CCDC6: variants seen among roughly 807,000 people sequenced by gnomAD.
CCDC6 encodes coiled-coil domain containing 6.
In CCDC6, 20 loss-of-function variants were observed where a neutral mutation model predicts 56.6. The ratio of observed to expected loss-of-function variants is 0.35; its 90% CI spans 0.25 to 0.51. The LOEUF is 0.51. CCDC6 is among the 20% of genes least tolerant of loss of function. The pLI is 0.95. For synonymous variants in CCDC6, 241 were observed against 234.4 expected, an observed-to-expected ratio of 1.03 and a Z score of -0.26; for missense variants, 367 against 601.1, an observed-to-expected ratio of 0.61 and a Z score of 4.07.
intron 2 of CCDC6, among the ~76,000 whole-genome samples, chr10:59,835,916 G>A (rs1322574899): frequency 6.6e-6 from 1 of 151,890 alleles, no homozygotes; most frequent in African/African-American, 2.4e-5. Context: ...AGCTGGACAC[G>A]GTGGTGCGCG....
chr10:59,880,040 T>A (rs1664263), intron 1 of CCDC6, among the ~76,000 whole-genome samples: 2 of 152,014 alleles, frequency 1.3e-5, no homozygotes, highest in Non-Finnish European at 2.9e-5. Context: ...AGAAGCATGC[T>A]ACATCTATAA....
intron 7 of CCDC6, among the ~76,000 whole-genome samples, chr10:59,795,012 A>G (rs1340369188): frequency 6.6e-6 from 1 of 152,144 alleles, no homozygotes; most frequent in Non-Finnish European, 1.5e-5. Flanking sequence ...TAAAACTCTT[A>G]GAAGGAAAAT....
At chr10:59,867,452 C>T (rs1306699604) in intron 1 of CCDC6, among the ~76,000 whole-genome samples, 2 of 152,198 alleles carry the variant, frequency 1.3e-5, no homozygotes, top group African/African-American at 4.8e-5. Flanking sequence ...CTGAAGCCTG[C>T]TACTTTGGAG....
At chr10:59,868,118 C>T (rs2071192904) in intron 1 of CCDC6, among the ~76,000 whole-genome samples, 1 of 152,058 alleles carries the variant, frequency 6.6e-6, no homozygotes, top group East Asian at 1.9e-4. Flanking sequence ...ACAGGCGTGT[C>T]CTTAACCTTG....
chr10:59,832,671 C>T lies in CCDC6; in HGVS notation c.454-18G>A, dbSNP rs775419995. ...TGCTGCAACTGGAAAATGAAAAACA[C>T]CGAGATGTGGAAATCAGGCAACTCA... On this transcript the variant is annotated intron_variant, in intron 2 of 8. Coordinates refer to ENST00000263102, the MANE Select transcript of CCDC6 (RefSeq NM_005436.5). 1.2e-6 allele frequency: 2 copies of T among 1,609,312 alleles called. No homozygotes were observed. Among genetic ancestry groups the T allele is most frequent in the Non-Finnish European group, 1.7e-6 (2 of 1,178,674 alleles).
chr10:59,866,848 T>G (rs1343479545), intron 1 of CCDC6, among the ~76,000 whole-genome samples: 1 of 152,234 alleles, frequency 6.6e-6, no homozygotes, highest in African/African-American at 2.4e-5. Flanking sequence ...CAACATTATT[T>G]ACGCTGCTGT....
intron 1 of CCDC6, among the ~76,000 whole-genome samples, chr10:59,885,842 T>TTCTAA (rs2071378607): frequency 6.6e-6 from 1 of 151,450 alleles, no homozygotes; most frequent in Non-Finnish European, 1.5e-5. Context: ...AAGAAACACA[T>TTCTAA]CTTTTGAAGG....
chr10:59,842,858 A>G (rs2132650535), intron 2 of CCDC6, among the ~76,000 whole-genome samples: 1 of 148,998 alleles, frequency 6.7e-6, no homozygotes, highest in East Asian at 2.0e-4. Flanking sequence ...GGTTCACGCT[A>G]TTCTCCTGCC....
At chr10:59,843,177 C>T (rs778685741) in intron 2 of CCDC6, among the ~76,000 whole-genome samples, 26 of 152,206 alleles carry the variant, frequency 1.7e-4, no homozygotes, top group African/African-American at 4.8e-4. Flanking sequence ...TGAGCCAACG[C>T]GCCCGGCCAG....
chr10:59,865,576 G>A (rs1460458590), intron 1 of CCDC6, among the ~76,000 whole-genome samples: 1 of 152,148 alleles, frequency 6.6e-6, no homozygotes, highest in Non-Finnish European at 1.5e-5. Context: ...GATTCTAGCT[G>A]GGCACGGTGG....
At position 59,812,648 on chromosome 10, in the gene CCDC6, A is replaced by G. The variant is rs1401299183; in HGVS notation, c.834T>C (p.Ala278=). 1.2e-6 allele frequency: 2 copies of G among 1,611,164 alleles called. No homozygotes were observed. The highest frequency in any genetic ancestry group is 1.7e-6 in the Non-Finnish European group (2 of 1,177,704). ...EVERLKKQLR[A]AQLQHSEKMA... ...GAGGCTACGTACGCTGTAACTGAGC[A>G]GCTCTCAGTTGCTTCTTCAGCCGTT... Residue 278 remains alanine (A), a synonymous_variant, in exon 5 of 9, where the codon GCT becomes GCC. Transcript: ENST00000263102.
intron 3 of CCDC6, among the ~76,000 whole-genome samples, chr10:59,828,408 G>A (rs778079472): frequency 2.0e-5 from 3 of 152,058 alleles, no homozygotes; most frequent in Non-Finnish European, 2.9e-5. Context: ...TTGACTTTTG[G>A]CATCAAGCAT....
intron 3 of CCDC6, among the ~76,000 whole-genome samples, chr10:59,825,657 C>T (rs1181842935): frequency 6.6e-6 from 1 of 152,166 alleles, no homozygotes; most frequent in Middle Eastern, 3.2e-3. Flanking sequence ...GCTACTAAAA[C>T]AAGTGGCATC....
chr10:59,823,808 A>G (rs2070765709), intron 3 of CCDC6, among the ~76,000 whole-genome samples: 1 of 152,208 alleles, frequency 6.6e-6, no homozygotes, highest in Admixed American at 6.5e-5. Context: ...AGAACACCTA[A>G]GTCATCAAGC....
intron 6 of CCDC6, chr10:59,805,534 TAG>T (rs1392839406): frequency 2.0e-5 from 3 of 152,202 alleles, no homozygotes; most frequent in Admixed American, 2.0e-4. Flanking sequence ...CATATTTCCT[TAG>T]AGTGTATCTT....
chr10:59,809,099 G>A (rs1203359533), intron 5 of CCDC6, among the ~76,000 whole-genome samples: 1 of 152,168 alleles, frequency 6.6e-6, no homozygotes, highest in African/African-American at 2.4e-5. Context: ...ATGCAAGCAT[G>A]CAGAATTTTT....
At chr10:59,811,741 C>G (rs1226605236) in intron 5 of CCDC6, among the ~76,000 whole-genome samples, 1 of 152,002 alleles carries the variant, frequency 6.6e-6, no homozygotes, top group Non-Finnish European at 1.5e-5. Flanking sequence ...TCCACATGTA[C>G]AGGTTTGACA....
At chr10:59,865,965 T>C (rs1486891231) in intron 1 of CCDC6, among the ~76,000 whole-genome samples, 1 of 151,982 alleles carries the variant, frequency 6.6e-6, no homozygotes, top group African/African-American at 2.4e-5. Flanking sequence ...TCCTATGACT[T>C]CTGACATGGG....
chr10:59,792,695 T>G lies in CCDC6; in HGVS notation c.*222A>C, dbSNP rs1432442905. On this transcript the variant is annotated 3_prime_UTR_variant, in exon 9 of 9. Transcript: ENST00000263102. ...GCCAGGGAATGGACGTACATGAAGATTCAAGTAAAACACTGATGGAAAAAG... is the reference window on the plus strand; with the variant it reads ...GCCAGGGAATGGACGTACATGAAGAGTCAAGTAAAACACTGATGGAAAAAG... 3 of 758,888 alleles carry G rather than the reference T, an allele frequency of 4.0e-6. No individual in the cohort carries two copies. The highest frequency in any genetic ancestry group is 1.7e-5 in the African/African-American group (1 of 59,034). The allele number at this position is 758,888 out of a possible 1,614,324, so 47.0% of individuals were successfully genotyped here.
Sources: gnomAD v4.1 joint callset for allele counts (sites outside exome capture counted in the v4.1 genomes callset) on GRCh38, gnomAD v4.1.1 for gene constraint, MANE v1.5 for transcripts, NCBI Gene and HGNC (gene_info 2026-07-23, HGNC 2026-07-21) for gene names.